Variants in OSBPL8 observed in about 807,000 individuals in gnomAD.
The protein encoded by OSBPL8 is oxysterol-binding protein-related protein 8.
In OSBPL8, 59 loss-of-function variants were observed where a neutral mutation model predicts 125.5. That is an observed-to-expected ratio of 0.47 (90% CI 0.38 to 0.58). OSBPL8 has a LOEUF of 0.58. Ranked by LOEUF, OSBPL8 falls within the 20% of genes least tolerant of loss-of-function variation. The probability of loss-of-function intolerance (pLI) is 0.00; values close to 1 mark genes in which losing one functional copy is unlikely to be tolerated. For missense variants in OSBPL8, 758 were observed against 1,047.8 expected, an observed-to-expected ratio of 0.72 and a Z score of 3.82; for synonymous variants, 330 against 338.9, an observed-to-expected ratio of 0.97 and a Z score of 0.29.
chr12:76,417,701 T>A (rs1868874895), intron 4 of OSBPL8, among the ~76,000 whole-genome samples: 1 of 152,240 alleles, frequency 6.6e-6, no homozygotes, highest in South Asian at 2.1e-4. Flanking sequence ...TATATCCTAA[T>A]ATTTCACAAA....
At chr12:76,548,643 C>G (rs1022319233) in intron 1 of OSBPL8, among the ~76,000 whole-genome samples, 2 of 152,098 alleles carry the variant, frequency 1.3e-5, no homozygotes, top group African/African-American at 2.4e-5. Context: ...CATACATAGC[C>G]TAGCAGCTAG....
chr12:76,494,488 A>C (rs141148691), intron 1 of OSBPL8, among the ~76,000 whole-genome samples: 2 of 152,330 alleles, frequency 1.3e-5, no homozygotes, highest in African/African-American at 4.8e-5. Flanking sequence ...TTACTGCATT[A>C]ATCTAGAAGA....
intron 4 of OSBPL8, among the ~76,000 whole-genome samples, chr12:76,435,250 A>C (rs1030106088): frequency 6.6e-6 from 1 of 152,058 alleles, no homozygotes; most frequent in Non-Finnish European, 1.5e-5. Flanking sequence ...CATTTGTGAC[A>C]ACACAGACAA....
intron 1 of OSBPL8, among the ~76,000 whole-genome samples, chr12:76,539,051 G>GA (rs1320196382): frequency 1.1e-5 from 1 of 91,658 alleles, no homozygotes; most frequent in Non-Finnish European, 2.0e-5. Context: ...TAAATAACTG[G>GA]GGGGGGGGAG....
chr12:76,429,064 T>G lies in OSBPL8; in HGVS notation c.218-18430A>C, dbSNP rs117396636. Reference sequence around the variant, plus strand: ...CATGGCTGCAAATTATACCAAGCAATCTTATTATCGTACATTTCCTCAGAA... The same window carrying G: ...CATGGCTGCAAATTATACCAAGCAAGCTTATTATCGTACATTTCCTCAGAA... On this transcript the variant is annotated intron_variant, in intron 4 of 23. Transcript: ENST00000261183. Among the ~76,000 whole-genome samples the G allele has an allele frequency of 8.0e-3, 1,217 of 152,188 alleles. 7 individuals are homozygous for G. The highest frequency in any genetic ancestry group is 0.013 in the Non-Finnish European group (878 of 67,992).
At chr12:76,479,895 G>T (rs574191156) in intron 2 of OSBPL8, among the ~76,000 whole-genome samples, 1 of 152,010 alleles carries the variant, frequency 6.6e-6, no homozygotes, top group African/African-American at 2.4e-5. Context: ...GGCCGGGCGC[G>T]GTGGCTCATG....
At chr12:76,372,369 AT>A (rs1245246367) in intron 18 of OSBPL8, among the ~76,000 whole-genome samples, 3 of 151,724 alleles carry the variant, frequency 2.0e-5, no homozygotes, top group Non-Finnish European at 4.4e-5. Context: ...TGCCCATCTA[AT>A]TTTTTTATTT....
At chr12:76,484,965 G>T (rs560898555) in intron 2 of OSBPL8, among the ~76,000 whole-genome samples, 1 of 152,038 alleles carries the variant, frequency 6.6e-6, no homozygotes, top group Non-Finnish European at 1.5e-5. Flanking sequence ...TTGTTGCCCA[G>T]GCTAGAGTGC....
At chr12:76,390,337 TC>T in intron 11 of OSBPL8, 82 bp downstream of exon 11, 1 of 1,027,798 alleles carries the variant, frequency 9.7e-7, no homozygotes, top group Non-Finnish European at 1.5e-6. Flanking sequence ...AGGCAATAGA[TC>T]AAGCAAATAA....
intron 1 of OSBPL8, among the ~76,000 whole-genome samples, chr12:76,524,515 G>A (rs755181467): frequency 1.3e-4 from 19 of 151,886 alleles, no homozygotes; most frequent in Non-Finnish European, 2.6e-4. Flanking sequence ...CCTGAAAAAC[G>A]GGTATAATAA....
chr12:76,454,729 T>TAAAAAAAAAAAAAA (rs140485885), intron 3 of OSBPL8, among the ~76,000 whole-genome samples: 1 of 117,084 alleles, frequency 8.5e-6, no homozygotes. Context: ...TTTAAAAAAT[T>TAAAAAAAAAAAAAA]AAAAAAAAAA....
chr12:76,439,669 GTTACT>G (rs1419130562), intron 4 of OSBPL8, among the ~76,000 whole-genome samples: 5 of 151,972 alleles, frequency 3.3e-5, no homozygotes, highest in African/African-American at 7.2e-5. Flanking sequence ...TACTAATTAG[GTTACT>G]TTAAAGATTA....
intron 4 of OSBPL8, among the ~76,000 whole-genome samples, chr12:76,420,500 G>T (rs1466361803): frequency 6.6e-6 from 1 of 151,960 alleles, no homozygotes; most frequent in Admixed American, 6.6e-5. Flanking sequence ...TCACATCCAT[G>T]TTATAGCTAA....
intron 4 of OSBPL8, among the ~76,000 whole-genome samples, chr12:76,450,138 C>T (rs1031536160): frequency 6.6e-6 from 1 of 152,124 alleles, no homozygotes; most frequent in Non-Finnish European, 1.5e-5. Flanking sequence ...ATGGTTTTGT[C>T]CCTCAAGGGA....
chr12:76,546,823 G>A (rs1213822887), intron 1 of OSBPL8, among the ~76,000 whole-genome samples: 1 of 152,084 alleles, frequency 6.6e-6, no homozygotes, highest in African/African-American at 2.4e-5. Flanking sequence ...AAGATCATCA[G>A]TAATCAGTCC....
At chr12:76,382,236 G>A (rs1953089613) in intron 15 of OSBPL8, among the ~76,000 whole-genome samples, 1 of 151,844 alleles carries the variant, frequency 6.6e-6, no homozygotes, top group East Asian at 1.9e-4. Flanking sequence ...TTCCTTGATT[G>A]GGCTTTCCTG....
intron 1 of OSBPL8, among the ~76,000 whole-genome samples, chr12:76,518,535 C>G (rs999071489): frequency 1.3e-5 from 2 of 152,222 alleles, no homozygotes; most frequent in Admixed American, 6.5e-5. Flanking sequence ...AGAGGGGACT[C>G]TGTGTGGGAA....
chr12:76,381,269 G>GT (rs777469047), intron 15 of OSBPL8, among the ~76,000 whole-genome samples: 112 of 152,200 alleles, frequency 7.4e-4, no homozygotes, highest in Middle Eastern at 3.4e-3. Flanking sequence ...TCTGAGGAGT[G>GT]TTTTTTCTTC....
At chr12:76,555,289 ATATCCCTTACTTTGAGC>A (rs1333910547) in intron 1 of OSBPL8, among the ~76,000 whole-genome samples, 1 of 152,220 alleles carries the variant, frequency 6.6e-6, no homozygotes, top group African/African-American at 2.4e-5. Context: ...TCAGCTACAC[ATATCCCTTACTTTGAGC>A]TTCAAAAATT....
Sources: gnomAD v4.1 joint callset for allele counts (sites outside exome capture counted in the v4.1 genomes callset) on GRCh38, gnomAD v4.1.1 for gene constraint, MANE v1.5 for transcripts, NCBI Gene and HGNC (gene_info 2026-07-23, HGNC 2026-07-21) for gene names.